The following TCTN1 variants were observed in gnomAD, a reference collection of about 807,000 sequenced individuals.
TCTN1 encodes the protein tectonic family member 1, also known as tectonic-1.
TCTN1 carries 58 observed loss-of-function variants against 65.8 expected under a neutral mutation model. That is an observed-to-expected ratio of 0.88 (90% CI 0.71 to 1.10). The LOEUF (loss-of-function observed/expected upper bound fraction) is 1.10. Ranked by LOEUF, TCTN1 falls within the 50% of genes least tolerant of loss-of-function variation. The pLI is 0.00. For synonymous variants in TCTN1, 273 were observed against 289.1 expected (o/e 0.94, Z 0.57); for missense variants, 645 against 719.4 (o/e 0.90, Z 1.18).
intron 7 of TCTN1, among the ~76,000 whole-genome samples, chr12:110,637,762 C>G (rs2066675197): frequency 6.6e-6 from 1 of 152,194 alleles, no homozygotes; most frequent in Non-Finnish European, 1.5e-5. Context: ...CTAGAGAGTG[C>G]TTGGATTTTA....
rs185412879 is a variant in TCTN1 at position 110,624,893 on chromosome 12, C to A, written c.342-1469C>A. The stretch of plus-strand genomic sequence containing the variant: ...CACTGTGCCTGGTCCTGTACCATAA[C>A]TTGTAAGCACTAAACCTTCCAGACG... On this transcript the variant is annotated intron_variant, in intron 2 of 14. Coordinates refer to ENST00000397659, the MANE Select transcript of TCTN1 (RefSeq NM_001082538.3). Among the ~76,000 whole-genome samples the A allele has an allele frequency of 4.1e-4, 62 of 152,200 alleles. 1 individual carries two copies. The East Asian group carries it at 0.011, about 26-fold the overall frequency.
At chr12:110,629,274 C>T in intron 4 of TCTN1, 1 of 329,096 alleles carries the variant, frequency 3.0e-6, no homozygotes. Context: ...AGAGCTTCTG[C>T]ACAGCAAAAG....
In TCTN1 at chr12:110,641,151, T is replaced by C. The variant is rs1303964272; in HGVS notation, c.1104+2T>C. The C allele has an allele frequency of 1.9e-6, 3 of 1,614,062 alleles. No homozygotes were observed. In the Admixed American group the frequency reaches 5.0e-5, roughly 27 times the overall value. On this transcript the variant is annotated splice_donor_variant, in intron 9 of 14. Transcript: ENST00000397659. LOFTEE classifies it high-confidence loss of function. Reference sequence around the variant, plus strand: ...AAGTTTGAAATTCATTTTCTTCAGGTAAGGTTGATCAATTTGGCATAAGTA... The same window carrying C: ...AAGTTTGAAATTCATTTTCTTCAGGCAAGGTTGATCAATTTGGCATAAGTA...
chr12:110,625,193 C>A (rs1284729399), intron 2 of TCTN1, among the ~76,000 whole-genome samples: 1 of 152,144 alleles, frequency 6.6e-6, no homozygotes, highest in Non-Finnish European at 1.5e-5. Flanking sequence ...AAAAATTATA[C>A]CCTGATCTAC....
At chr12:110,622,672 C>T (rs569788103) in intron 2 of TCTN1, among the ~76,000 whole-genome samples, 2 of 151,578 alleles carry the variant, frequency 1.3e-5, no homozygotes, top group South Asian at 4.2e-4. Flanking sequence ...TCAGTGTGGC[C>T]AGAAGAGGGG....
chr12:110,635,243 G>C (rs1379129922), intron 6 of TCTN1, among the ~76,000 whole-genome samples: 1 of 152,170 alleles, frequency 6.6e-6, no homozygotes, highest in Non-Finnish European at 1.5e-5. Context: ...AATGGTGAAG[G>C]GGCCCCTTCT....
Position 110,649,345 on chromosome 12 carries a change from G to T in TCTN1, c.*304G>T. On this transcript the variant is annotated 3_prime_UTR_variant, in exon 15 of 15. Transcript: ENST00000397659. ...ACCAAGCGGCCCAGGAGGGGCAGCT[G>T]TTCCTCTCGTGACAGCACAGGCCCA... 7.4e-7 allele frequency: 1 copy of T among 1,353,082 alleles called. No homozygotes were observed. Among genetic ancestry groups the T allele is most frequent in the Non-Finnish European group, 1.0e-6 (1 of 953,084 alleles). 83.8% of individuals were successfully genotyped at this position (1,353,082 alleles called of 1,614,324 possible).
intron 3 of TCTN1, among the ~76,000 whole-genome samples, chr12:110,628,555 G>A (rs544052074): frequency 3.3e-5 from 5 of 152,120 alleles, no homozygotes; most frequent in Non-Finnish European, 7.4e-5. Context: ...TGGCCAGGCT[G>A]GTCTCAAACT....
At chr12:110,623,934 G>T (rs1051156032) in intron 2 of TCTN1, among the ~76,000 whole-genome samples, 1 of 151,976 alleles carries the variant, frequency 6.6e-6, no homozygotes, top group Non-Finnish European at 1.5e-5. Context: ...GTATTAATAG[G>T]CTGGTATACG....
intron 1 of TCTN1, among the ~76,000 whole-genome samples, chr12:110,617,188 G>A (rs191148554): frequency 2.4e-3 from 372 of 152,182 alleles, no homozygotes; most frequent in Non-Finnish European, 3.6e-3. Flanking sequence ...CATTTTACTA[G>A]GCACATAGAA....
chr12:110,644,748 T>C lies in TCTN1; in HGVS notation c.1332-219T>C. On this transcript the variant is annotated intron_variant, in intron 11 of 14. Transcript: ENST00000397659. The surrounding 1 kb of genome is among the most constrained non-coding windows in gnomAD (Gnocchi z 4.6). ...CTGCTGGTGGGCTGGGTGTGGTGGCTCACTCCTGTAGTCCCAGCACTCTGG... is the reference window on the plus strand; with the variant it reads ...CTGCTGGTGGGCTGGGTGTGGTGGCCCACTCCTGTAGTCCCAGCACTCTGG... The C allele has an allele frequency of 1.7e-6, 1 of 599,820 alleles. No individual in the cohort carries two copies. Among genetic ancestry groups the C allele is most frequent in the South Asian group, 2.0e-5 (1 of 50,862 alleles). 37.2% of individuals were successfully genotyped at this position (599,820 alleles called of 1,614,324 possible). A position where few individuals can be genotyped will look rare whatever the true frequency, so the allele number is the denominator to read the frequency against.
At chr12:110,627,025 G>A (rs1183919313) in intron 3 of TCTN1, among the ~76,000 whole-genome samples, 1 of 151,286 alleles carries the variant, frequency 6.6e-6, no homozygotes, top group Non-Finnish European at 1.5e-5. Flanking sequence ...ACCTGCCTTG[G>A]CCTCCCAACG....
At position 110,640,971 on chromosome 12, in the gene TCTN1, A is replaced by G. The variant is rs1393689222; in HGVS notation, c.979-53A>G. ...TATGGGTGTTTTCAGTTATTCATAC[A>G]GCTTCTGAAATGTAATGGAACAGGT... On this transcript the variant is annotated intron_variant, in intron 8 of 14. Coordinates refer to ENST00000397659, the MANE Select transcript of TCTN1 (RefSeq NM_001082538.3). The surrounding 1 kb of genome is among the most constrained non-coding windows in gnomAD (Gnocchi z 4.9). 1.2e-6 allele frequency: 2 copies of G among 1,613,206 alleles called. No individual in the cohort carries two copies. Among genetic ancestry groups the G allele is most frequent in the East Asian group, 2.2e-5 (1 of 44,890 alleles).
chr12:110,623,550 T>C (rs1258775044), intron 2 of TCTN1, among the ~76,000 whole-genome samples: 1 of 152,194 alleles, frequency 6.6e-6, no homozygotes, highest in Non-Finnish European at 1.5e-5. Flanking sequence ...AGGAAACATA[T>C]CCTAAGGAAA....
rs759139558 is a variant in TCTN1 at position 110,632,539 on chromosome 12, G to A, written c.692G>A (p.Cys231Tyr). 1 of 1,614,014 alleles carries A rather than the reference G, an allele frequency of 6.2e-7. No homozygotes were observed. The highest frequency in any genetic ancestry group is 1.1e-5 in the South Asian group (1 of 91,086). ...RFPSSLTSSLCTDNNPAAFLV... is the reference protein window; with the variant it reads ...RFPSSLTSSLYTDNNPAAFLV... ...CCTTCGTCCCTGACATCATCTCTGT[G>A]CACTGATAATAACCCTGCAGGTAAG... Residue 231 changes from cysteine (C) to tyrosine (Y), a missense_variant, in exon 5 of 15, where the codon TGC becomes TAC. By Grantham distance (194) the Cys-to-Tyr change is radical. Coordinates refer to ENST00000397659, the MANE Select transcript of TCTN1 (RefSeq NM_001082538.3).
Position 110,645,123 on chromosome 12 carries a change from C to T in TCTN1, c.1488C>T (p.Asn496=), listed in dbSNP as rs2067211431. ...VPIHFITQSF[N]RKHFVLQDSC... ...TCCACTTCATCACCCAGTCATTCAA[C>T]AGGAAGGTAAAGGGGAGAAGGTACA... Residue 496 remains asparagine, a synonymous_variant, in exon 12 of 15, where the codon AAC becomes AAT. Transcript: ENST00000397659. The T allele has an allele frequency of 1.9e-6, 3 of 1,613,988 alleles. No individual in the cohort carries two copies. Among genetic ancestry groups the T allele is most frequent in the Non-Finnish European group, 2.5e-6 (3 of 1,179,974 alleles).
chr12:110,628,022 C>G (rs2065969687), intron 3 of TCTN1: 1 of 1,534,864 alleles, frequency 6.5e-7, no homozygotes, highest in Non-Finnish European at 8.7e-7. Context: ...AACATGCCAG[C>G]CTGCTTCCTT....
rs1353542619 is a variant in TCTN1 at position 110,640,446 on chromosome 12, G to T, written c.907G>T (p.Asp303Tyr). 6.2e-7 allele frequency: 1 copy of T among 1,614,158 alleles called. No homozygotes were observed. Among genetic ancestry groups the T allele is most frequent in the Admixed American group, 1.7e-5 (1 of 60,022 alleles). The stretch of plus-strand genomic sequence containing the variant: ...AAATAAAACGCTCACCCGACGGGAG[G>T]ACACTGATGTGCTGCAGCCGACTCT... ...SLNKTLTRRE[D>Y]TDVLQPTLVN... Residue 303 changes from aspartate to tyrosine, a missense_variant, in exon 8 of 15, where the codon GAC becomes TAC. By Grantham distance (160) the Asp-to-Tyr change is radical (BLOSUM62 -3). Coordinates refer to ENST00000397659, the MANE Select transcript of TCTN1 (RefSeq NM_001082538.3). This position sits in a 1 kb window ranked among gnomAD's most constrained non-coding sequence, Gnocchi z 4.9.
At chr12:110,619,593 C>T (rs1191132991) in intron 1 of TCTN1, among the ~76,000 whole-genome samples, 1 of 152,216 alleles carries the variant, frequency 6.6e-6, no homozygotes, top group Non-Finnish European at 1.5e-5. Flanking sequence ...ATCAGCATCT[C>T]TGTAGGCAAA....
Sources: gnomAD v4.1 joint callset for allele counts (sites outside exome capture counted in the v4.1 genomes callset) on GRCh38, gnomAD v4.1.1 for gene constraint, Gnocchi (gnomAD v3.1) non-coding constraint, MANE v1.5 for transcripts, NCBI Gene and HGNC (gene_info 2026-07-23, HGNC 2026-07-21) for gene names.